The following SEPTIN9 variants were observed in gnomAD, a reference collection of about 807,000 sequenced individuals.
SEPTIN9 encodes septin 9.
In SEPTIN9, 13 loss-of-function variants were observed where a neutral mutation model predicts 56.6. The ratio of observed to expected loss-of-function variants is 0.23; its 90% CI spans 0.15 to 0.37. The LOEUF (loss-of-function observed/expected upper bound fraction) is 0.37. SEPTIN9 is among the 10% of genes least tolerant of loss of function. The probability of loss-of-function intolerance (pLI) is 1.00; values close to 1 mark genes in which losing one functional copy is unlikely to be tolerated. For synonymous variants in SEPTIN9, 332 were observed against 334.1 expected, an observed-to-expected ratio of 0.99 and a Z score of 0.07; for missense variants, 650 against 823.1, an observed-to-expected ratio of 0.79 and a Z score of 2.57.
At chr17:77,394,910 C>G (rs538850921) in intron 2 of SEPTIN9, among the ~76,000 whole-genome samples, 16 of 152,270 alleles carry the variant, frequency 1.1e-4, no homozygotes, top group South Asian at 6.2e-4. Flanking sequence ...ACTGTGGCCT[C>G]TTTTTGTGTA....
chr17:77,411,158 GT>G (rs1465549605), intron 3 of SEPTIN9, among the ~76,000 whole-genome samples: 1 of 151,762 alleles, frequency 6.6e-6, no homozygotes, highest in African/African-American at 2.4e-5. Flanking sequence ...TTGGAAAGAA[GT>G]TTTTCTCTCC....
chr17:77,488,143 G>A (rs1371154461), intron 5 of SEPTIN9, 97 bp from the exon 6 acceptor site: 9 of 1,102,126 alleles, frequency 8.2e-6, no homozygotes, highest in South Asian at 6.3e-5. Context: ...GGTTGTCATC[G>A]CTGCCTACCT....
rs893873589 is a variant in SEPTIN9, at chr17:77,425,827, G to T, written c.721+23124G>T. On this transcript the variant is annotated intron_variant, in intron 3 of 11. Coordinates refer to ENST00000427177, the MANE Select transcript of SEPTIN9 (RefSeq NM_001113491.2). This position sits in a 1 kb window ranked among gnomAD's most constrained non-coding sequence, Gnocchi z 4.2. The stretch of plus-strand genomic sequence containing the variant: ...CGTGGAGCCAGAAGTCACAAGGTTG[G>T]CCCAGCTGTGTCTGACCCTGGTTGT... Among the ~76,000 whole-genome samples, 2 of 152,108 alleles carry T rather than the reference G, an allele frequency of 1.3e-5. No homozygotes were observed. Among genetic ancestry groups the T allele is most frequent in the African/African-American group, 2.4e-5 (1 of 41,414 alleles).
chr17:77,419,549 G>A (rs1045816311), intron 3 of SEPTIN9, among the ~76,000 whole-genome samples: 2 of 152,194 alleles, frequency 1.3e-5, no homozygotes, highest in African/African-American at 4.8e-5. Flanking sequence ...CTTCCCCAGG[G>A]CTGGCTGGGA....
rs979855725 is a variant in SEPTIN9, at chr17:77,476,163, G to T, written c.722-5981G>T. On this transcript the variant is annotated intron_variant, in intron 3 of 11. Transcript: ENST00000427177. The surrounding 1 kb of genome is among the most constrained non-coding windows in gnomAD (Gnocchi z 6.0). ...TTCTGGGACGTAGACCAGGCAGCAT[G>T]ACACACAGGGAGGGGTAGGCAGAGA... 2.6e-5 allele frequency among the ~76,000 whole-genome samples: 4 copies of T among 152,162 alleles called. No homozygotes were observed. Among genetic ancestry groups the T allele is most frequent in the African/African-American group, 9.7e-5 (4 of 41,422 alleles).
chr17:77,373,045 C>A, intron 2 of SEPTIN9: 1 of 291,428 alleles, frequency 3.4e-6, no homozygotes, highest in Non-Finnish European at 5.2e-6. Context: ...CACATCCGCC[C>A]ACATCTGGCC....
At chr17:77,493,155 C>A in intron 10 of SEPTIN9, 79 bp downstream of exon 10, 1 of 1,163,594 alleles carries the variant, frequency 8.6e-7, no homozygotes, top group Non-Finnish European at 1.3e-6. Flanking sequence ...TGGGCCACGC[C>A]TGAGCCAGGG....
intron 2 of SEPTIN9, among the ~76,000 whole-genome samples, chr17:77,377,766 G>A (rs1030805518): frequency 7.2e-5 from 11 of 152,220 alleles, no homozygotes; most frequent in South Asian, 2.1e-4. Context: ...AAAAGGCCCC[G>A]TTGCTTGGTA....
At chr17:77,382,168 C>T (rs529441619) in intron 2 of SEPTIN9, among the ~76,000 whole-genome samples, 1 of 152,260 alleles carries the variant, frequency 6.6e-6, no homozygotes, top group Admixed American at 6.5e-5. Flanking sequence ...GCTGAGACTC[C>T]AGGCACGCAC....
intron 2 of SEPTIN9, among the ~76,000 whole-genome samples, chr17:77,392,683 T>C (rs1194144576): frequency 6.6e-6 from 1 of 151,918 alleles, no homozygotes; most frequent in Non-Finnish European, 1.5e-5. Flanking sequence ...GGTGGGGTGG[T>C]ACCCTGGTTC....
chr17:77,445,574 A>C lies in SEPTIN9; in HGVS notation c.722-36570A>C, dbSNP rs148740933. The C allele has an allele frequency of 6.1e-5, 23 of 378,698 alleles. No homozygotes were observed. Among genetic ancestry groups the C allele is most frequent in the African/African-American group, 4.2e-4 (20 of 47,166 alleles). 23.5% of individuals were successfully genotyped at this position (378,698 alleles called of 1,614,324 possible). On this transcript the variant is annotated intron_variant, in intron 3 of 11. Transcript: ENST00000427177. This position sits in a 1 kb window ranked among gnomAD's most constrained non-coding sequence, Gnocchi z 4.7. Reference sequence around the variant, plus strand: ...CTGGGTGGGTAGGGAGGAAGCTGTGAAACCACATCCCCTCCTCTCTGCTGC... The same window carrying C: ...CTGGGTGGGTAGGGAGGAAGCTGTGCAACCACATCCCCTCCTCTCTGCTGC...
chr17:77,461,270 C>T (rs945232279), intron 3 of SEPTIN9, among the ~76,000 whole-genome samples: 22 of 152,226 alleles, frequency 1.4e-4, no homozygotes, highest in Admixed American at 9.2e-4. Flanking sequence ...CACACCACTG[C>T]ACTCCAGCCT....
intron 2 of SEPTIN9, among the ~76,000 whole-genome samples, chr17:77,343,003 G>GTCTGTCTATCTATCTATCTATCTATCTA (rs71160228): frequency 2.0e-5 from 3 of 147,254 alleles, no homozygotes; most frequent in South Asian, 2.2e-4. Flanking sequence ...CTGTCTGTCT[G>GTCTGTCTATCTATCTATCTATCTATCTA]TCTATCTATC....
chr17:77,497,709 T>C, intron 11 of SEPTIN9: 1 of 423,896 alleles, frequency 2.4e-6, no homozygotes. Flanking sequence ...GTGGGGCGTC[T>C]CCAGCTCCGA....
At position 77,492,899 on chromosome 17, in the gene SEPTIN9, A is replaced by T; in HGVS notation, c.1477-81A>T. 1.4e-6 allele frequency: 2 copies of T among 1,379,750 alleles called. No individual in the cohort carries two copies. 85.5% of individuals were successfully genotyped at this position (1,379,750 alleles called of 1,614,324 possible). Reference sequence around the variant, plus strand: ...CTCGTTTTTGGGGGACCCCAGGCTCAGGGCAGCTCCTCCCGGGGGCCCAGG... The same window carrying T: ...CTCGTTTTTGGGGGACCCCAGGCTCTGGGCAGCTCCTCCCGGGGGCCCAGG... On this transcript the variant is annotated intron_variant, in intron 9 of 11. Coordinates refer to ENST00000427177, the MANE Select transcript of SEPTIN9 (RefSeq NM_001113491.2). The surrounding 1 kb of genome is among the most constrained non-coding windows in gnomAD (Gnocchi z 5.4).
At chr17:77,361,867 C>T (rs1446384608) in intron 2 of SEPTIN9, among the ~76,000 whole-genome samples, 4 of 151,996 alleles carry the variant, frequency 2.6e-5, no homozygotes, top group Non-Finnish European at 4.4e-5. Context: ...CTCTTGACCT[C>T]GTGATCCGCC....
chr17:77,402,643 A>C lies in SEPTIN9; in HGVS notation c.661A>C (p.Ser221Arg). ...SEPAPVSQLQ[S>R]RLEPKPQPPV... ...GCCTGCCCCTGTGTCTCAGCTGCAG[A>C]GCAGGCTGGAGCCCAAGCCCCAGCC... is the stretch of plus-strand genomic sequence containing the variant. Residue 221 changes from serine to arginine, a missense_variant, in exon 3 of 12, where the codon AGC becomes CGC. Around this residue, in one of 2 missense-constraint regions of SEPTIN9, gnomAD observed 317 missense variants for 329.1 expected, o/e 0.96. Transcript: ENST00000427177. The surrounding 1 kb of genome is among the most constrained non-coding windows in gnomAD (Gnocchi z 6.6). 6.2e-7 allele frequency: 1 copy of C among 1,612,502 alleles called. No individual in the cohort carries two copies. The highest frequency in any genetic ancestry group is 8.5e-7 in the Non-Finnish European group (1 of 1,179,402).
At chr17:77,424,222 C>T (rs1171488454) in intron 3 of SEPTIN9, among the ~76,000 whole-genome samples, 2 of 152,254 alleles carry the variant, frequency 1.3e-5, no homozygotes, top group African/African-American at 4.8e-5. Context: ...GAGAAGGCAC[C>T]GAGGCACAGA....
In SEPTIN9 at chr17:77,319,119, C is replaced by A. The variant is rs2032808507; in HGVS notation, c.76+11922C>A. ...CTCAGCCTTGGCACAAACACACATT[C>A]TCTTTAAACAGGCTTGGGCCAACAG... is the stretch of plus-strand genomic sequence containing the variant. On this transcript the variant is annotated intron_variant, in intron 2 of 11. Coordinates refer to ENST00000427177, the MANE Select transcript of SEPTIN9 (RefSeq NM_001113491.2). The surrounding 1 kb of genome is among the most constrained non-coding windows in gnomAD (Gnocchi z 5.3). Among the ~76,000 whole-genome samples the A allele has an allele frequency of 1.3e-5, 2 of 152,224 alleles. No individual in the cohort carries two copies. Among genetic ancestry groups the A allele is most frequent in the Non-Finnish European group, 2.9e-5 (2 of 68,040 alleles).
Sources: gnomAD v4.1 joint callset for allele counts (sites outside exome capture counted in the v4.1 genomes callset) on GRCh38, gnomAD v4.1.1 for gene constraint, gnomAD v4.1.1 regional missense constraint, Gnocchi (gnomAD v3.1) non-coding constraint, MANE v1.5 for transcripts, NCBI Gene and HGNC (gene_info 2026-07-23, HGNC 2026-07-21) for gene names.